The following UTRN variants were observed in gnomAD, a reference collection of about 807,000 sequenced individuals.
UTRN encodes dystrophin-related protein 1.
UTRN carries 283 observed loss-of-function variants against 463.9 expected under a neutral mutation model. That is an observed-to-expected ratio of 0.61 (90% CI 0.55 to 0.67). The LOEUF is 0.67. UTRN is among the 30% of genes least tolerant of loss of function. UTRN has a pLI of 0.00. For synonymous variants in UTRN, 1,442 were observed against 1,431.5 expected (o/e 1.01, Z -0.17); for missense variants, 3,922 against 4,084.3 (o/e 0.96, Z 1.08).
At chr6:144,433,921 C>T (rs1432969233) in intron 9 of UTRN, among the ~76,000 whole-genome samples, 1 of 152,148 alleles carries the variant, frequency 6.6e-6, no homozygotes, top group Admixed American at 6.5e-5. Flanking sequence ...CAGAGACGCT[C>T]CTCACTTCCC....
At position 144,578,902 on chromosome 6, in the gene UTRN, A is replaced by G. The variant is rs368711199; in HGVS notation, c.7479+1614A>G. Among the ~76,000 whole-genome samples the G allele has an allele frequency of 1.1e-4, 17 of 151,556 alleles. No homozygotes were observed. The South Asian group carries it at 1.3e-3, about 11-fold the overall frequency. On this transcript the variant is annotated intron_variant, in intron 51 of 74. Transcript: ENST00000367545. The stretch of plus-strand genomic sequence containing the variant: ...TCAACAAATGTGTGGATCTGGATGA[A>G]GGATACAGAGTCTTTCTTTGAACTA...
In UTRN at chr6:144,537,588, A is replaced by G; in HGVS notation, c.6240A>G (p.Lys2080=). The change falls in exon 44 of 75, where the codon AAA becomes AAG. Residue 2080 remains lysine, a synonymous_variant. Transcript: ENST00000367545. Reference sequence around the variant, plus strand: ...AAATAATATATTCTTTTAGGCTAAAAGGAGAAAGTAAGCAGGTGATGAAGT... The same window carrying G: ...AAATAATATATTCTTTTAGGCTAAAGGGAGAAAGTAAGCAGGTGATGAAGT... ...AEVKDRQPRL[K]GESKQVMKYR... 2 of 1,578,058 alleles carry G rather than the reference A, an allele frequency of 1.3e-6. No homozygotes were observed. The highest frequency in any genetic ancestry group is 2.4e-5 in the South Asian group (2 of 83,570).
At chr6:144,687,324 G>T (rs551946686) in intron 52 of UTRN, among the ~76,000 whole-genome samples, 3 of 151,796 alleles carry the variant, frequency 2.0e-5, no homozygotes, top group Admixed American at 6.6e-5. Context: ...CTCACCTAAC[G>T]CATAAGGATT....
chr6:144,562,250 G>A (rs1799995785), intron 50 of UTRN, among the ~76,000 whole-genome samples: 1 of 152,054 alleles, frequency 6.6e-6, no homozygotes, highest in African/African-American at 2.4e-5. Flanking sequence ...TGCAGGACAT[G>A]CAGGTTTATG....
At chr6:144,513,276 G>A (rs1795331040) in intron 35 of UTRN, among the ~76,000 whole-genome samples, 1 of 152,224 alleles carries the variant, frequency 6.6e-6, no homozygotes, top group African/African-American at 2.4e-5. Context: ...ATATGGGCCA[G>A]GTGTGGTGGC....
chr6:144,647,662 T>C (rs1002363958), intron 51 of UTRN, among the ~76,000 whole-genome samples: 2 of 152,222 alleles, frequency 1.3e-5, no homozygotes, highest in Admixed American at 6.5e-5. Flanking sequence ...TACAGGCAAA[T>C]GTGCAGTAAA....
intron 51 of UTRN, among the ~76,000 whole-genome samples, chr6:144,600,948 A>T (rs182496073): frequency 6.6e-6 from 1 of 152,276 alleles, no homozygotes; most frequent in African/African-American, 2.4e-5. Flanking sequence ...TAGGGCCCTT[A>T]AGAATTATGT....
At chr6:144,552,414 T>C (rs1159008695) in intron 48 of UTRN, among the ~76,000 whole-genome samples, 4 of 152,242 alleles carry the variant, frequency 2.6e-5, no homozygotes, top group Non-Finnish European at 5.9e-5. Context: ...TCCTCTGCTC[T>C]AGTGATACCA....
At chr6:144,695,820 A>G (rs1783945331) in intron 52 of UTRN, among the ~76,000 whole-genome samples, 2 of 152,240 alleles carry the variant, frequency 1.3e-5, no homozygotes, top group African/African-American at 4.8e-5. Context: ...CTGGAAAAAT[A>G]TGAATTGGAA....
intron 2 of UTRN, among the ~76,000 whole-genome samples, chr6:144,350,218 A>C (rs1161132133): frequency 6.6e-6 from 1 of 152,042 alleles, no homozygotes. Flanking sequence ...TATAGTTCAA[A>C]TGTCCTTTAA....
intron 50 of UTRN, among the ~76,000 whole-genome samples, chr6:144,576,547 T>C (rs956013363): frequency 6.6e-6 from 1 of 152,196 alleles, no homozygotes; most frequent in Non-Finnish European, 1.5e-5. Context: ...TTCAATTATT[T>C]TTATTTTGTC....
chr6:144,534,701 G>A (rs1797374524), intron 43 of UTRN, among the ~76,000 whole-genome samples: 1 of 152,122 alleles, frequency 6.6e-6, no homozygotes, highest in Non-Finnish European at 1.5e-5. Context: ...GAAGATACAA[G>A]TATGATTAGG....
chr6:144,411,431 C>T (rs529193063), intron 3 of UTRN, among the ~76,000 whole-genome samples: 20 of 152,232 alleles, frequency 1.3e-4, no homozygotes, highest in African/African-American at 4.8e-4. Flanking sequence ...AGAGCTTATT[C>T]AGCCTCCAGC....
chr6:144,576,195 A>G (rs990401057), intron 50 of UTRN, among the ~76,000 whole-genome samples: 1 of 152,196 alleles, frequency 6.6e-6, no homozygotes, highest in African/African-American at 2.4e-5. Flanking sequence ...TGGCCATTAT[A>G]GATAATGCTG....
At chr6:144,383,575 T>C (rs2114743565) in intron 2 of UTRN, among the ~76,000 whole-genome samples, 1 of 152,282 alleles carries the variant, frequency 6.6e-6, no homozygotes, top group East Asian at 1.9e-4. Context: ...ATAATAGTTC[T>C]CCTGGGTCTT....
intron 48 of UTRN, among the ~76,000 whole-genome samples, chr6:144,553,814 G>A (rs1032322960): frequency 6.6e-6 from 1 of 151,770 alleles, no homozygotes; most frequent in Admixed American, 6.6e-5. Context: ...GGAGGCTGAG[G>A]CAGGAGAATC....
intron 57 of UTRN, 54 bp from the exon 58 acceptor site, chr6:144,757,875 G>A: frequency 3.9e-6 from 6 of 1,527,818 alleles, no homozygotes; most frequent in South Asian, 1.2e-5. Context: ...TTGCATTAAG[G>A]TGTAAGGCTT....
intron 53 of UTRN, among the ~76,000 whole-genome samples, chr6:144,722,986 A>G (rs1027100477): frequency 6.6e-6 from 1 of 152,222 alleles, no homozygotes; most frequent in Non-Finnish European, 1.5e-5. Context: ...AGTTTTATAT[A>G]GGTTTGATAC....
At chr6:144,530,504 T>A (rs930764308) in intron 41 of UTRN, among the ~76,000 whole-genome samples, 2 of 152,208 alleles carry the variant, frequency 1.3e-5, no homozygotes, top group East Asian at 3.8e-4. Context: ...ACGGGCATTT[T>A]GAAGTGTTTT....
Sources: allele counts gnomAD v4.1 joint callset (sites outside exome capture counted in the v4.1 genomes callset), GRCh38; gene constraint gnomAD v4.1.1; transcripts MANE v1.5; gene names NCBI Gene and HGNC (gene_info 2026-07-23, HGNC 2026-07-21).